The following MAP2K5 variants were observed in gnomAD, a reference collection of about 807,000 sequenced individuals.
MAP2K5 encodes mitogen-activated protein kinase kinase 5.
Under a neutral mutation model 83.1 loss-of-function variants are expected in MAP2K5, and 49 were observed. The observed-to-expected ratio is 0.59, with a 90% CI of 0.47 to 0.75. The LOEUF (loss-of-function observed/expected upper bound fraction) is 0.75. Ranked by LOEUF, MAP2K5 falls within the 30% of genes least tolerant of loss-of-function variation. The pLI is 0.00. For synonymous variants in MAP2K5, 202 were observed against 191.8 expected (o/e 1.05, Z -0.44); for missense variants, 457 against 557.5 (o/e 0.82, Z 1.82).
intron 2 of MAP2K5, among the ~76,000 whole-genome samples, chr15:67,556,016 C>T (rs1172134118): frequency 6.6e-6 from 1 of 152,142 alleles, no homozygotes; most frequent in Non-Finnish European, 1.5e-5. Context: ...AAACTCCTGA[C>T]CTCAGGTGAT....
chr15:67,604,260 A>G (rs574794807), intron 8 of MAP2K5, among the ~76,000 whole-genome samples: 8 of 152,372 alleles, frequency 5.3e-5, no homozygotes, highest in African/African-American at 1.7e-4. Context: ...TTTGGGCTAC[A>G]TGGAACATAA....
intron 21 of MAP2K5, among the ~76,000 whole-genome samples, chr15:67,788,348 C>T (rs1030744722): frequency 3.9e-5 from 6 of 152,190 alleles, no homozygotes; most frequent in Non-Finnish European, 5.9e-5. Flanking sequence ...CCTTGTATCA[C>T]TGCTGGGTTA....
rs977970795 is a variant in MAP2K5, at chr15:67,801,066, C to T, written c.1243-5580C>T. Reference sequence around the variant, plus strand: ...TGAAACCGCTGCAGAGCCCCCAAAGCACCTCACACCCTATGGCTCCGCTGG... The same window carrying T: ...TGAAACCGCTGCAGAGCCCCCAAAGTACCTCACACCCTATGGCTCCGCTGG... On this transcript the variant is annotated intron_variant, in intron 21 of 21. Transcript: ENST00000178640. The surrounding 1 kb of genome is among the most constrained non-coding windows in gnomAD (Gnocchi z 4.8). Among the ~76,000 whole-genome samples, 5 of 152,182 alleles carry T rather than the reference C, an allele frequency of 3.3e-5. No homozygotes were observed. Among genetic ancestry groups the T allele is most frequent in the Non-Finnish European group, 7.3e-5 (5 of 68,032 alleles).
chr15:67,748,646 A>G lies in MAP2K5; in HGVS notation c.1134+45A>G, dbSNP rs759408911. On this transcript the variant is annotated intron_variant, in intron 19 of 21. Coordinates refer to ENST00000178640, the MANE Select transcript of MAP2K5 (RefSeq NM_145160.3). The surrounding 1 kb of genome is among the most constrained non-coding windows in gnomAD (Gnocchi z 4.0). Reference sequence around the variant, plus strand: ...GCTTTCACTCCTAAAGTCATTCCTAATGGTGTGGAAAGCTTATATTTTGTT... The same window carrying G: ...GCTTTCACTCCTAAAGTCATTCCTAGTGGTGTGGAAAGCTTATATTTTGTT... 1 of 1,578,162 alleles carries G rather than the reference A, an allele frequency of 6.3e-7. No homozygotes were observed. Among genetic ancestry groups the G allele is most frequent in the Non-Finnish European group, 8.7e-7 (1 of 1,150,836 alleles).
chr15:67,759,027 T>C (rs1453151759), intron 19 of MAP2K5, among the ~76,000 whole-genome samples: 2 of 152,224 alleles, frequency 1.3e-5, no homozygotes, highest in South Asian at 4.1e-4. Flanking sequence ...TTGAATTCTA[T>C]TCTGTGTACT....
At chr15:67,712,767 A>G (rs2088724040) in intron 16 of MAP2K5, among the ~76,000 whole-genome samples, 1 of 152,138 alleles carries the variant, frequency 6.6e-6, no homozygotes, top group South Asian at 2.1e-4. Flanking sequence ...AAATACAAAA[A>G]ATTAGCTGGG....
intron 1 of MAP2K5, among the ~76,000 whole-genome samples, chr15:67,547,202 C>A (rs1401822434): frequency 6.6e-6 from 1 of 151,838 alleles, no homozygotes; most frequent in Non-Finnish European, 1.5e-5. Context: ...TGCTTATACT[C>A]TTAAGTGTTT....
At position 67,717,714 on chromosome 15, in the gene MAP2K5, G is replaced by A. The variant is rs2088860663; in HGVS notation, c.1045-10202G>A. Reference sequence around the variant, plus strand: ...TAGTGGTTAAGGATGGAAGATCCAAGATGACTTCATATGCGTGTATGATGC... The same window carrying A: ...TAGTGGTTAAGGATGGAAGATCCAAAATGACTTCATATGCGTGTATGATGC... On this transcript the variant is annotated intron_variant, in intron 16 of 21. Transcript: ENST00000178640. The surrounding 1 kb of genome is among the most constrained non-coding windows in gnomAD (Gnocchi z 4.1). 6.6e-6 allele frequency among the ~76,000 whole-genome samples: 1 copy of A among 152,200 alleles called. No individual in the cohort carries two copies.
rs556429339 is a variant in MAP2K5, at chr15:67,798,304, G to T, written c.1243-8342G>T. ...CAGCATATCCCCCACTGTACAGCCT[G>T]CCCAGTCCTATCCAAGGCCCCTGCC... is the stretch of plus-strand genomic sequence containing the variant. On this transcript the variant is annotated intron_variant, in intron 21 of 21. Transcript: ENST00000178640. Among the ~76,000 whole-genome samples, 4 of 152,308 alleles carry T rather than the reference G, an allele frequency of 2.6e-5. No homozygotes were observed. The East Asian group carries it at 5.8e-4, about 22-fold the overall frequency.
chr15:67,601,586 G>A (rs922008855), intron 8 of MAP2K5, among the ~76,000 whole-genome samples: 17 of 152,136 alleles, frequency 1.1e-4, no homozygotes, highest in African/African-American at 3.6e-4. Context: ...CACAACCACA[G>A]ATACTTTAAC....
At chr15:67,544,285 G>T (rs2084351599) in intron 1 of MAP2K5, among the ~76,000 whole-genome samples, 1 of 152,226 alleles carries the variant, frequency 6.6e-6, no homozygotes, top group African/African-American at 2.4e-5. Flanking sequence ...TTATTAAAAT[G>T]AGTCCAGTTT....
At chr15:67,571,062 C>T (rs1422516589) in intron 3 of MAP2K5, among the ~76,000 whole-genome samples, 1 of 152,172 alleles carries the variant, frequency 6.6e-6, no homozygotes, top group African/African-American at 2.4e-5. Flanking sequence ...CAATGAGAGT[C>T]GTTACTATGT....
chr15:67,795,646 T>C (rs746315256), intron 21 of MAP2K5, among the ~76,000 whole-genome samples: 6 of 152,344 alleles, frequency 3.9e-5, no homozygotes, highest in East Asian at 3.9e-4. Context: ...CATTTGGTTT[T>C]TCCCCCCAGT....
intron 13 of MAP2K5, among the ~76,000 whole-genome samples, chr15:67,669,230 G>T (rs2087464016): frequency 6.6e-6 from 1 of 152,120 alleles, no homozygotes; most frequent in Non-Finnish European, 1.5e-5. Context: ...TATTCTAGCA[G>T]TGATAGAGTG....
intron 8 of MAP2K5, among the ~76,000 whole-genome samples, chr15:67,616,216 G>A (rs1000901576): frequency 6.6e-6 from 1 of 152,076 alleles, no homozygotes; most frequent in Non-Finnish European, 1.5e-5. Context: ...TGTAAGAATA[G>A]AAGCATCATC....
At chr15:67,629,250 T>C in intron 8 of MAP2K5, 1 of 606,454 alleles carries the variant, frequency 1.6e-6, no homozygotes, top group Non-Finnish European at 3.1e-6. Flanking sequence ...AGGGCCTAGC[T>C]GCTACAAAGA....
chr15:67,725,706 A>T (rs1169869316), intron 16 of MAP2K5, among the ~76,000 whole-genome samples: 1 of 152,248 alleles, frequency 6.6e-6, no homozygotes, highest in East Asian at 1.9e-4. Flanking sequence ...TCCAAATGGA[A>T]GTATATGCAA....
At chr15:67,798,402 C>T (rs577010106) in intron 21 of MAP2K5, among the ~76,000 whole-genome samples, 12 of 152,330 alleles carry the variant, frequency 7.9e-5, no homozygotes, top group African/African-American at 1.4e-4. Flanking sequence ...CAGCTTCCTC[C>T]GACAAACTCA....
intron 9 of MAP2K5, among the ~76,000 whole-genome samples, chr15:67,645,996 G>C (rs7172055): frequency 0.28 from 41,933 of 151,952 alleles, 6,621 homozygotes; most frequent in East Asian, 0.6. Flanking sequence ...TGACCTTTGA[G>C]ACCTGGCTTT....
Sources: gnomAD v4.1 joint callset for allele counts (sites outside exome capture counted in the v4.1 genomes callset) on GRCh38, gnomAD v4.1.1 for gene constraint, Gnocchi (gnomAD v3.1) non-coding constraint, MANE v1.5 for transcripts, NCBI Gene and HGNC (gene_info 2026-07-23, HGNC 2026-07-21) for gene names.